Variants in SNX13 observed in about 807,000 individuals in gnomAD.
The protein encoded by SNX13 is sorting nexin 13.
A neutral mutation model predicts 133.6 loss-of-function variants in SNX13; 45 were observed. That is an observed-to-expected ratio of 0.34 (90% CI 0.27 to 0.43). SNX13 has a LOEUF of 0.43. Ranked by LOEUF, SNX13 falls within the 20% of genes least tolerant of loss-of-function variation. The probability of loss-of-function intolerance (pLI) is 1.00; values close to 1 mark genes in which losing one functional copy is unlikely to be tolerated. For synonymous variants in SNX13, 414 were observed against 373.9 expected, an observed-to-expected ratio of 1.11 and a Z score of -1.24; for missense variants, 1,032 against 1,145.1, an observed-to-expected ratio of 0.90 and a Z score of 1.43.
At chr7:17,857,894 A>AT (rs1370651941) in intron 9 of SNX13, among the ~76,000 whole-genome samples, 1 of 152,262 alleles carries the variant, frequency 6.6e-6, no homozygotes, top group Non-Finnish European at 1.5e-5. Context: ...ATCGATAAGC[A>AT]TAATACATGA....
intron 1 of SNX13, among the ~76,000 whole-genome samples, chr7:17,923,412 G>C (rs1800354007): frequency 6.6e-6 from 1 of 152,160 alleles, no homozygotes; most frequent in Admixed American, 6.6e-5. Flanking sequence ...TGTAACATTA[G>C]GAAGGTGGTA....
chr7:17,801,175 AC>A (rs1197285861), intron 22 of SNX13, among the ~76,000 whole-genome samples: 1 of 151,510 alleles, frequency 6.6e-6, no homozygotes, highest in Admixed American at 6.6e-5. Flanking sequence ...TACTATATTT[AC>A]AAAATGGAAT....
At chr7:17,846,268 C>T (rs1245523729) in intron 11 of SNX13, among the ~76,000 whole-genome samples, 2 of 150,932 alleles carry the variant, frequency 1.3e-5, no homozygotes, top group African/African-American at 2.4e-5. Context: ...GGAAAAATTG[C>T]GTCCAAAATT....
intron 1 of SNX13, among the ~76,000 whole-genome samples, chr7:17,911,891 T>C (rs1451463058): frequency 6.6e-6 from 1 of 152,184 alleles, no homozygotes; most frequent in South Asian, 2.1e-4. Context: ...GTCTTGGGCA[T>C]CTTCCCCAGC....
At chr7:17,834,304 G>A in intron 14 of SNX13, 120 bp from the exon 15 acceptor site, 1 of 835,098 alleles carries the variant, frequency 1.2e-6, no homozygotes, top group Admixed American at 3.4e-5. Flanking sequence ...GTTACAAGCT[G>A]TCAGCAATAA....
chr7:17,915,687 G>C (rs2691577), intron 1 of SNX13, among the ~76,000 whole-genome samples: 61,684 of 151,718 alleles, frequency 0.41, 13,001 homozygotes, highest in East Asian at 0.62. Context: ...TAAAACAAGA[G>C]TTAGACAGTC....
At chr7:17,822,747 G>A (rs933956597) in intron 17 of SNX13, among the ~76,000 whole-genome samples, 3 of 152,130 alleles carry the variant, frequency 2.0e-5, no homozygotes, top group African/African-American at 4.8e-5. Flanking sequence ...CTAGGGAAGC[G>A]TTCACATTGA....
chr7:17,913,760 CAAA>C (rs71010278), intron 1 of SNX13, among the ~76,000 whole-genome samples: 2 of 54,094 alleles, frequency 3.7e-5, no homozygotes, highest in Non-Finnish European at 6.2e-5. Flanking sequence ...TTAACAAAAA[CAAA>C]AAAAAAAAAA....
intron 13 of SNX13, among the ~76,000 whole-genome samples, chr7:17,835,508 A>G (rs1055525652): frequency 6.6e-6 from 1 of 151,992 alleles, no homozygotes; most frequent in East Asian, 1.9e-4. Flanking sequence ...GAAATACAAA[A>G]TTTGACATTT....
chr7:17,890,662 C>T (rs1466672202), intron 4 of SNX13, among the ~76,000 whole-genome samples, 178 bp from the exon 5 acceptor site: 2 of 151,586 alleles, frequency 1.3e-5, no homozygotes, highest in African/African-American at 2.4e-5. Context: ...CCATTTCAAA[C>T]ATTTTTAAAT....
chr7:17,926,754 C>T (rs1800793465), intron 1 of SNX13, among the ~76,000 whole-genome samples: 1 of 152,070 alleles, frequency 6.6e-6, no homozygotes, highest in Admixed American at 6.6e-5. Context: ...GGCATGGTGG[C>T]ACGTGCCTGT....
chr7:17,796,434 C>T (rs1784061837), intron 25 of SNX13: 2 of 156,632 alleles, frequency 1.3e-5, no homozygotes, highest in South Asian at 4.0e-4. Flanking sequence ...GCCCTTTCAC[C>T]TGTCATGTAT....
At chr7:17,841,074 A>C (rs758944185) in intron 12 of SNX13, among the ~76,000 whole-genome samples, 1 of 152,088 alleles carries the variant, frequency 6.6e-6, no homozygotes, top group Non-Finnish European at 1.5e-5. Context: ...GTGGACAAAA[A>C]ACAACTTGTC....
chr7:17,804,814 A>G (rs1785005469), intron 20 of SNX13, among the ~76,000 whole-genome samples: 2 of 152,224 alleles, frequency 1.3e-5, no homozygotes, highest in Admixed American at 1.3e-4. Flanking sequence ...AAAAAAATGA[A>G]TAACAGTAAC....
chr7:17,881,582 G>C (rs192283525), intron 5 of SNX13: 51 of 152,120 alleles, frequency 3.4e-4, no homozygotes, highest in African/African-American at 1.2e-3. Flanking sequence ...TACTCCATTA[G>C]AAGGCCTTTT....
rs764924073 is a variant in SNX13, at chr7:17,803,623, G to C, written c.2065-43C>G. On this transcript the variant is annotated intron_variant, in intron 20 of 25. Transcript: ENST00000428135. ...ATTATACCATGACTTTATTGTACCA[G>C]AGTTGTTATCCAAATGACAAGCCTT... is the stretch of plus-strand genomic sequence containing the variant. 20 of 1,523,256 alleles carry C rather than the reference G, an allele frequency of 1.3e-5. 1 individual carries two copies. Among genetic ancestry groups the C allele is most frequent in the Admixed American group, 4.2e-5 (2 of 48,128 alleles). 94.4% of individuals were successfully genotyped at this position (1,523,256 alleles called of 1,614,324 possible). A position where few individuals can be genotyped will look rare whatever the true frequency, so the allele number is the denominator to read the frequency against.
chr7:17,903,504 A>C (rs1445417293), intron 1 of SNX13, among the ~76,000 whole-genome samples: 1 of 152,174 alleles, frequency 6.6e-6, no homozygotes. Flanking sequence ...TCTCACCTTT[A>C]CCATTAGTTG....
At position 17,803,585 on chromosome 7, in the gene SNX13, AGGG is replaced by A; in HGVS notation, c.2065-8_2065-6del. ...TGGATTTACAAAAGTGTCCATCTAA[AGGG>A]AAAAAAGATATTATACCATGACTTT... On this transcript the variant is annotated splice_polypyrimidine_tract_variant and splice_region_variant and intron_variant, in intron 20 of 25. Coordinates refer to ENST00000428135, the MANE Select transcript of SNX13 (RefSeq NM_015132.5). 1 of 1,601,152 alleles carries A rather than the reference AGGG, an allele frequency of 6.2e-7. No homozygotes were observed. Among genetic ancestry groups the A allele is most frequent in the African/African-American group, 1.3e-5 (1 of 74,744 alleles).
intron 1 of SNX13, among the ~76,000 whole-genome samples, chr7:17,925,290 G>A (rs1183609620): frequency 6.6e-6 from 1 of 152,184 alleles, no homozygotes; most frequent in East Asian, 1.9e-4. Flanking sequence ...TGGAGTAAAA[G>A]GAGGAGGGGT....
Sources: gnomAD v4.1 joint callset for allele counts (sites outside exome capture counted in the v4.1 genomes callset) on GRCh38, gnomAD v4.1.1 for gene constraint, MANE v1.5 for transcripts, NCBI Gene and HGNC (gene_info 2026-07-23, HGNC 2026-07-21) for gene names.